CSMD3: variants seen among roughly 807,000 people sequenced by gnomAD.
CSMD3 encodes the protein CUB and Sushi multiple domains 3, also known as CUB and sushi domain-containing protein 3.
In CSMD3, 177 loss-of-function variants were observed where a neutral mutation model predicts 435.2. The ratio of observed to expected loss-of-function variants is 0.41; its 90% CI spans 0.36 to 0.46. The LOEUF is 0.46. CSMD3 is among the 20% of genes least tolerant of loss of function. The pLI is 0.34. For missense variants in CSMD3, 4,265 were observed against 4,504.6 expected (o/e 0.95, Z 1.52); for synonymous variants, 1,656 against 1,520.5 (o/e 1.09, Z -2.07).
intron 45 of CSMD3, among the ~76,000 whole-genome samples, chr8:112,331,520 G>A (rs1244970024): frequency 6.6e-6 from 1 of 151,522 alleles, no homozygotes; most frequent in East Asian, 1.9e-4. Flanking sequence ...ACAGATGGCT[G>A]CCTGGATCTT....
At chr8:112,902,162 G>A (rs2082123080) in intron 10 of CSMD3, among the ~76,000 whole-genome samples, 1 of 151,264 alleles carries the variant, frequency 6.6e-6, no homozygotes, top group South Asian at 2.1e-4. Flanking sequence ...GGCAAAAGGA[G>A]ACAGCCTTTA....
chr8:112,849,802 T>C (rs1430986930), intron 11 of CSMD3, among the ~76,000 whole-genome samples: 2 of 151,914 alleles, frequency 1.3e-5, no homozygotes, highest in East Asian at 1.9e-4. Context: ...TTTTAAGTTA[T>C]GGGGTAGGAC....
chr8:113,182,531 CAAAACAACAAAAACAAA>C lies in CSMD3; in HGVS notation c.515-8632_515-8616del, dbSNP rs1287093941. ...CTGCTGATGCTGCCAAAAAAAAAAACAAAACAACAAAAACAAAAAAACAACAAAAACAAAAACAAAAA... is the reference window on the plus strand; with the variant it reads ...CTGCTGATGCTGCCAAAAAAAAAAACAAAACAACAAAAACAAAAACAAAAA... On this transcript the variant is annotated intron_variant, in intron 3 of 70. Coordinates refer to ENST00000297405, the MANE Select transcript of CSMD3 (RefSeq NM_198123.2). Among the ~76,000 whole-genome samples the C allele has an allele frequency of 1.0e-3, 152 of 147,284 alleles. 3 individuals are homozygous for C. In the East Asian group the frequency reaches 0.012, roughly 12 times the overall value.
chr8:113,205,315 A>T (rs2092758977), intron 3 of CSMD3, among the ~76,000 whole-genome samples: 1 of 151,848 alleles, frequency 6.6e-6, no homozygotes, highest in Non-Finnish European at 1.5e-5. Flanking sequence ...ATCAGATCTC[A>T]TGAGAGTTAT....
chr8:112,669,965 A>G (rs528127785), intron 16 of CSMD3, among the ~76,000 whole-genome samples: 1 of 152,330 alleles, frequency 6.6e-6, no homozygotes, highest in African/African-American at 2.4e-5. Flanking sequence ...TCCAACTGAC[A>G]TTAAGATAGT....
At chr8:112,512,277 G>A (rs972680654) in intron 28 of CSMD3, among the ~76,000 whole-genome samples, 5 of 152,158 alleles carry the variant, frequency 3.3e-5, no homozygotes, top group Non-Finnish European at 7.3e-5. Flanking sequence ...CTATAGTATT[G>A]TAAAATATAT....
At chr8:113,110,090 T>A (rs1364997294) in intron 4 of CSMD3, among the ~76,000 whole-genome samples, 1 of 152,080 alleles carries the variant, frequency 6.6e-6, no homozygotes, top group Admixed American at 6.6e-5. Context: ...AGCCCCATGA[T>A]CTCCAAATTG....
At chr8:112,551,946 C>A (rs1281144526) in intron 26 of CSMD3, among the ~76,000 whole-genome samples, 2 of 151,984 alleles carry the variant, frequency 1.3e-5, no homozygotes, top group Admixed American at 1.3e-4. Context: ...GGACTGAGAG[C>A]CTGTGATAGC....
At chr8:112,516,392 T>C (rs936891272) in intron 28 of CSMD3, among the ~76,000 whole-genome samples, 4 of 152,162 alleles carry the variant, frequency 2.6e-5, no homozygotes, top group South Asian at 2.1e-4. Context: ...TTTAATGATA[T>C]AGCATATTTT....
chr8:112,610,956 G>T (rs1246191290), intron 22 of CSMD3, among the ~76,000 whole-genome samples: 3 of 152,144 alleles, frequency 2.0e-5, no homozygotes, highest in Non-Finnish European at 2.9e-5. Flanking sequence ...AATGCATCAT[G>T]CAAAGTACTC....
chr8:113,414,572 G>T (rs6992832), intron 1 of CSMD3, among the ~76,000 whole-genome samples: 1 of 144,066 alleles, frequency 6.9e-6, no homozygotes, highest in East Asian at 2.1e-4. Flanking sequence ...TAATAAAATT[G>T]AAATACTTAT....
intron 13 of CSMD3, among the ~76,000 whole-genome samples, chr8:112,734,910 C>T (rs2077153646): frequency 1.3e-5 from 2 of 152,012 alleles, no homozygotes; most frequent in South Asian, 4.2e-4. Flanking sequence ...GTACTTTTTA[C>T]AGCTTCCCAA....
intron 4 of CSMD3, among the ~76,000 whole-genome samples, chr8:113,140,335 A>C (rs2091517955): frequency 2.0e-5 from 3 of 150,914 alleles, no homozygotes; most frequent in African/African-American, 7.3e-5. Flanking sequence ...GTACTTTCTC[A>C]ACAACTGATA....
chr8:113,324,959 G>C (rs1179778686), intron 1 of CSMD3, among the ~76,000 whole-genome samples: 1 of 152,204 alleles, frequency 6.6e-6, no homozygotes, highest in Admixed American at 6.5e-5. Flanking sequence ...CTGCCCTGCT[G>C]GATTTTGAAC....
intron 1 of CSMD3, among the ~76,000 whole-genome samples, chr8:113,416,843 T>G (rs931793071): frequency 1.3e-5 from 2 of 152,110 alleles, no homozygotes; most frequent in Admixed American, 1.3e-4. Context: ...GTTAATTTCC[T>G]CTTTAGCAAT....
intron 3 of CSMD3, among the ~76,000 whole-genome samples, chr8:113,249,743 T>C (rs2093316961): frequency 6.6e-6 from 1 of 152,044 alleles, no homozygotes; most frequent in Non-Finnish European, 1.5e-5. Flanking sequence ...TATTTTCCTG[T>C]ACCCTTAAAT....
At chr8:112,922,753 A>G (rs945476576) in intron 9 of CSMD3, among the ~76,000 whole-genome samples, 1 of 152,086 alleles carries the variant, frequency 6.6e-6, no homozygotes, top group African/African-American at 2.4e-5. Context: ...AAAAAGTCCT[A>G]CATGTCATCT....
Position 112,346,149 on chromosome 8 carries a change from G to C in CSMD3, c.6390C>G (p.Asn2130Lys). 1.9e-6 allele frequency: 3 copies of C among 1,613,546 alleles called. No individual in the cohort carries two copies. Among genetic ancestry groups the C allele is most frequent in the Non-Finnish European group, 2.5e-6 (3 of 1,179,532 alleles). ...ATGTGCAATCTAAACTGCTGGGATA[G>C]TTTCCAGGAAACCCAGGACTGAGGA... ...GVILSPGFPG[N>K]YPSSLDCTWT... The change falls in exon 41 of 71, where the codon AAC (asparagine) becomes AAG (lysine). Residue 2130 changes from asparagine (N) to lysine (K), a missense_variant. Coordinates refer to ENST00000297405, the MANE Select transcript of CSMD3 (RefSeq NM_198123.2).
At chr8:113,239,644 T>C (rs751637720) in intron 3 of CSMD3, among the ~76,000 whole-genome samples, 3 of 151,996 alleles carry the variant, frequency 2.0e-5, no homozygotes, top group Non-Finnish European at 4.4e-5. Context: ...TAACATGGCT[T>C]TGGAAATGGG....
Sources: allele counts gnomAD v4.1 joint callset (sites outside exome capture counted in the v4.1 genomes callset), GRCh38; gene constraint gnomAD v4.1.1; transcripts MANE v1.5; gene names NCBI Gene and HGNC (gene_info 2026-07-23, HGNC 2026-07-21).